The following CHRM3 variants were observed in gnomAD, a reference collection of about 807,000 sequenced individuals.
CHRM3 encodes muscarinic acetylcholine receptor M3.
In CHRM3, 11 loss-of-function variants were observed where a neutral mutation model predicts 41.8. The observed-to-expected ratio is 0.26, with a 90% confidence interval of 0.17 to 0.44. The LOEUF (loss-of-function observed/expected upper bound fraction) is 0.44, where lower values mean the gene tolerates loss of function less well. Ranked by LOEUF, CHRM3 falls within the 20% of genes least tolerant of loss-of-function variation. CHRM3 has a pLI of 1.00. For synonymous variants in CHRM3, 297 were observed against 301.4 expected (o/e 0.99, Z 0.15); for missense variants, 571 against 745.4 (o/e 0.77, Z 2.72).
intron 6 of CHRM3, among the ~76,000 whole-genome samples, chr1:239,861,278 T>G (rs1422350266): frequency 1.3e-5 from 2 of 152,108 alleles, no homozygotes; most frequent in Non-Finnish European, 2.9e-5. Flanking sequence ...GCAAGTGTTT[T>G]GGTGATATGA....
intron 2 of CHRM3, among the ~76,000 whole-genome samples, chr1:239,499,567 C>T (rs1668091350): frequency 6.6e-6 from 1 of 152,132 alleles, no homozygotes; most frequent in Admixed American, 6.6e-5. Flanking sequence ...AAGAGAGATT[C>T]AACAATGTTT....
chr1:239,732,920 A>T (rs553751248), intron 5 of CHRM3, among the ~76,000 whole-genome samples: 19 of 151,876 alleles, frequency 1.3e-4, no homozygotes, highest in South Asian at 4.2e-4. Flanking sequence ...CTAATATCTC[A>T]TTTAGATAAG....
intron 1 of CHRM3, among the ~76,000 whole-genome samples, chr1:239,445,103 T>C (rs1336205867): frequency 6.6e-6 from 1 of 152,162 alleles, no homozygotes; most frequent in Middle Eastern, 3.2e-3. Context: ...GAAGAATATG[T>C]GAAACTTGAG....
At chr1:239,484,885 A>G (rs1029588101) in intron 1 of CHRM3, among the ~76,000 whole-genome samples, 1 of 152,046 alleles carries the variant, frequency 6.6e-6, no homozygotes, top group Non-Finnish European at 1.5e-5. Flanking sequence ...GGGATCTTAT[A>G]AAAAAGGCCT....
At chr1:239,390,185 C>A (rs924940278) in intron 1 of CHRM3, among the ~76,000 whole-genome samples, 2 of 152,144 alleles carry the variant, frequency 1.3e-5, no homozygotes, top group Admixed American at 1.3e-4. Flanking sequence ...AATCCCTCTA[C>A]CACGTTTACT....
In CHRM3 at chr1:239,585,052, AATATAT is replaced by A. The variant is rs71567251; in HGVS notation, c.-313+39320_-313+39325del. ...CCATTCTTCAGGTGAGCAACAATTA[AATATAT>A]ATATATATATATATATGTATACACA... On this transcript the variant is annotated intron_variant, in intron 3 of 6. Coordinates refer to ENST00000676153, the MANE Select transcript of CHRM3 (RefSeq NM_001375978.1). Among the ~76,000 whole-genome samples, 1,435 of 144,798 alleles carry A rather than the reference AATATAT, an allele frequency of 9.9e-3. 45 individuals carry two copies. The East Asian group carries it at 0.11, about 11-fold the overall frequency. 95.0% of individuals were successfully genotyped at this position (144,798 alleles called of 152,430 possible).
intron 5 of CHRM3, among the ~76,000 whole-genome samples, chr1:239,774,525 C>G (rs1052340269): frequency 2.6e-5 from 4 of 152,088 alleles, no homozygotes; most frequent in African/African-American, 9.7e-5. Flanking sequence ...TCTTTTGAGG[C>G]TGAAGTCTTT....
intron 1 of CHRM3, among the ~76,000 whole-genome samples, chr1:239,431,563 CAA>C (rs1047776533): frequency 2.0e-5 from 3 of 152,100 alleles, no homozygotes; most frequent in Non-Finnish European, 4.4e-5. Flanking sequence ...TTTTTGAAGA[CAA>C]GAGCTTTAAT....
At chr1:239,730,515 C>T (rs1039556851) in intron 5 of CHRM3, 4 of 151,968 alleles carry the variant, frequency 2.6e-5, no homozygotes, top group Admixed American at 1.3e-4. Flanking sequence ...CTATCAGAGC[C>T]TCAAAGTTTA....
At chr1:239,498,598 G>C (rs1032130447) in intron 2 of CHRM3, among the ~76,000 whole-genome samples, 2 of 152,066 alleles carry the variant, frequency 1.3e-5, no homozygotes, top group Non-Finnish European at 2.9e-5. Context: ...TAGACTTTCT[G>C]AGAGCTTAGC....
intron 3 of CHRM3, among the ~76,000 whole-genome samples, chr1:239,575,760 G>T (rs1159394332): frequency 2.6e-5 from 4 of 151,460 alleles, no homozygotes; most frequent in Non-Finnish European, 5.9e-5. Context: ...TGTATATATA[G>T]AGATATATAT....
intron 3 of CHRM3, among the ~76,000 whole-genome samples, chr1:239,603,092 A>G (rs1168259671): frequency 2.2e-5 from 1 of 45,042 alleles, no homozygotes; most frequent in Non-Finnish European, 1.1e-4. Flanking sequence ...GATACTTCAT[A>G]TAAGTGGAAT....
intron 6 of CHRM3, among the ~76,000 whole-genome samples, chr1:239,859,393 C>T (rs1288482389): frequency 3.4e-5 from 5 of 148,000 alleles, no homozygotes; most frequent in Non-Finnish European, 7.5e-5. Context: ...ATTTGTTGGC[C>T]TGTTTTTTTT....
chr1:239,490,828 C>T (rs1667506541), intron 1 of CHRM3, among the ~76,000 whole-genome samples: 1 of 152,094 alleles, frequency 6.6e-6, no homozygotes, highest in South Asian at 2.1e-4. Context: ...CTCACTGCAG[C>T]CTCATTCTTC....
intron 6 of CHRM3, among the ~76,000 whole-genome samples, chr1:239,876,618 T>A (rs886696114): frequency 6.6e-6 from 1 of 152,192 alleles, no homozygotes; most frequent in South Asian, 2.1e-4. Context: ...GCCTCCACCA[T>A]GGGATGCACT....
At chr1:239,532,811 C>T (rs1389266456) in intron 2 of CHRM3, among the ~76,000 whole-genome samples, 8 of 152,068 alleles carry the variant, frequency 5.3e-5, no homozygotes, top group African/African-American at 1.9e-4. Context: ...TAAATCTATG[C>T]ATAATCACCT....
intron 5 of CHRM3, chr1:239,707,388 G>A (rs984150759): frequency 1.8e-4 from 28 of 152,078 alleles, no homozygotes; most frequent in Admixed American, 2.6e-4. Flanking sequence ...ACACACAGCC[G>A]TTGTGGGCCC....
chr1:239,653,791 A>G (rs766139324), intron 4 of CHRM3, among the ~76,000 whole-genome samples: 4 of 152,166 alleles, frequency 2.6e-5, no homozygotes, highest in Non-Finnish European at 4.4e-5. Flanking sequence ...CTTCAGAGTC[A>G]AGACTTTTAT....
intron 5 of CHRM3, among the ~76,000 whole-genome samples, chr1:239,776,941 C>T (rs369137846): frequency 6.6e-6 from 1 of 152,128 alleles, no homozygotes; most frequent in Admixed American, 6.5e-5. Context: ...TAACCATCCC[C>T]ATGATTGAGT....
Sources: gnomAD v4.1 joint callset for allele counts (sites outside exome capture counted in the v4.1 genomes callset) on GRCh38, gnomAD v4.1.1 for gene constraint, MANE v1.5 for transcripts, NCBI Gene and HGNC (gene_info 2026-07-23, HGNC 2026-07-21) for gene names.